The following CDH18 variants were observed in gnomAD, a reference collection of about 807,000 sequenced individuals.
The protein encoded by CDH18 is cadherin-18.
A neutral mutation model predicts 67.9 loss-of-function variants in CDH18; 31 were observed. That is an observed-to-expected ratio of 0.46 (90% CI 0.34 to 0.62). The LOEUF (loss-of-function observed/expected upper bound fraction) is 0.62, where lower values mean the gene tolerates loss of function less well. Ranked by LOEUF, CDH18 falls within the 20% of genes least tolerant of loss-of-function variation. CDH18 has a pLI of 0.01. For synonymous variants in CDH18, 362 were observed against 347.2 expected (o/e 1.04, Z -0.48); for missense variants, 890 against 975.5 (o/e 0.91, Z 1.17).
At chr5:19,917,366 G>C (rs1190951505) in intron 2 of CDH18, among the ~76,000 whole-genome samples, 1 of 137,342 alleles carries the variant, frequency 7.3e-6, no homozygotes, top group African/African-American at 3.0e-5. Flanking sequence ...TTTCTTTTCT[G>C]ATCAGTGAAG....
Position 20,357,630 on chromosome 5 carries a change from T to C in CDH18, c.-579-102125A>G, listed in dbSNP as rs144408079. Among the ~76,000 whole-genome samples the C allele has an allele frequency of 1.3e-3, 198 of 152,234 alleles. 1 individual carries two copies. The highest frequency in any genetic ancestry group is 4.5e-3 in the African/African-American group (186 of 41,542). Reference sequence around the variant, plus strand: ...AGACATCATCTCACACAAGTCAGAATGGCTTTTGATAAAAGGTGAAAAAAT... The same window carrying C: ...AGACATCATCTCACACAAGTCAGAACGGCTTTTGATAAAAGGTGAAAAAAT... On this transcript the variant is annotated intron_variant, in intron 1 of 14. Transcript: ENST00000507958.
At chr5:20,104,473 GCT>G (rs1390004831) in intron 2 of CDH18, among the ~76,000 whole-genome samples, 1 of 152,130 alleles carries the variant, frequency 6.6e-6, no homozygotes, top group Admixed American at 6.5e-5. Flanking sequence ...GTTGTTCTGT[GCT>G]CTCTTAGAAT....
intron 3 of CDH18, among the ~76,000 whole-genome samples, chr5:19,764,319 A>G (rs1561252784): frequency 6.6e-6 from 1 of 152,132 alleles, no homozygotes; most frequent in South Asian, 2.1e-4. Flanking sequence ...TATTAAAATA[A>G]TAGTATAAAT....
chr5:19,775,373 C>G (rs1774237311), intron 3 of CDH18, among the ~76,000 whole-genome samples: 1 of 151,964 alleles, frequency 6.6e-6, no homozygotes, highest in Admixed American at 6.6e-5. Context: ...CTCCTGGTTC[C>G]ACAGGCTGTA....
intron 1 of CDH18, among the ~76,000 whole-genome samples, chr5:20,527,187 TAA>T (rs1349810773): frequency 1.9e-5 from 1 of 53,460 alleles, no homozygotes; most frequent in Non-Finnish European, 5.7e-5. Flanking sequence ...CTTGCTGAAA[TAA>T]GGCAGGCAGA....
At chr5:20,424,741 T>C in intron 1 of CDH18, among the ~76,000 whole-genome samples, 2 of 73,334 alleles carry the variant, frequency 2.7e-5, no homozygotes, top group African/African-American at 4.7e-5. Context: ...AGCAAGACTC[T>C]GTCTAAAAAA....
At chr5:20,567,121 T>C (rs1201072893) in intron 1 of CDH18, among the ~76,000 whole-genome samples, 3 of 152,152 alleles carry the variant, frequency 2.0e-5, no homozygotes, top group Non-Finnish European at 4.4e-5. Context: ...CAGCAGTTAT[T>C]TCAATAGAAT....
At chr5:19,905,580 G>C (rs960161424) in intron 2 of CDH18, among the ~76,000 whole-genome samples, 5 of 151,682 alleles carry the variant, frequency 3.3e-5, no homozygotes, top group African/African-American at 1.2e-4. Flanking sequence ...TCATCAAAAA[G>C]AATTGGTCAA....
chr5:20,436,748 G>A (rs1749195101), intron 1 of CDH18, among the ~76,000 whole-genome samples: 1 of 150,506 alleles, frequency 6.6e-6, no homozygotes, highest in Admixed American at 6.6e-5. Context: ...CTTTAGGGCT[G>A]TAAAATATCA....
chr5:20,197,653 T>C (rs1739090935), intron 2 of CDH18, among the ~76,000 whole-genome samples: 1 of 152,162 alleles, frequency 6.6e-6, no homozygotes, highest in Non-Finnish European at 1.5e-5. Flanking sequence ...AGTCCTGAAA[T>C]TTTGGCATGG....
At chr5:20,497,378 T>C (rs1753974740) in intron 1 of CDH18, among the ~76,000 whole-genome samples, 1 of 152,166 alleles carries the variant, frequency 6.6e-6, no homozygotes, top group Admixed American at 6.6e-5. Flanking sequence ...TATAATACCA[T>C]ATTGTTATTG....
rs535983403 is a variant in CDH18 at position 19,997,688 on chromosome 5, T to C, written c.-517-5674A>G. On this transcript the variant is annotated intron_variant, in intron 2 of 14. Transcript: ENST00000507958. ...AGCATTTGCTTCAACTGATTGCAGG[T>C]CAACCTAAGTGCAAGGTTTATGGAC... 1.1e-4 allele frequency among the ~76,000 whole-genome samples: 17 copies of C among 152,306 alleles called. No individual in the cohort carries two copies. In the East Asian group the frequency reaches 2.9e-3, roughly 26 times the overall value.
At chr5:19,760,097 C>T (rs1772138291) in intron 3 of CDH18, among the ~76,000 whole-genome samples, 1 of 152,142 alleles carries the variant, frequency 6.6e-6, no homozygotes, top group African/African-American at 2.4e-5. Flanking sequence ...CGTCTGCTGT[C>T]CATTATGGTA....
At chr5:20,037,024 G>A (rs1011402647) in intron 2 of CDH18, among the ~76,000 whole-genome samples, 24 of 151,862 alleles carry the variant, frequency 1.6e-4, no homozygotes, top group African/African-American at 5.1e-4. Context: ...ACGTGACATG[G>A]GTCTCCTGAA....
At chr5:20,563,131 CA>C (rs932030636) in intron 1 of CDH18, among the ~76,000 whole-genome samples, 4 of 151,030 alleles carry the variant, frequency 2.6e-5, no homozygotes, top group Non-Finnish European at 4.4e-5. Context: ...AACATGACAG[CA>C]AAAAAAGCAT....
chr5:20,397,200 G>C (rs1446099104), intron 1 of CDH18, among the ~76,000 whole-genome samples: 4 of 152,048 alleles, frequency 2.6e-5, no homozygotes, highest in African/African-American at 7.2e-5. Context: ...GTACGATCTT[G>C]GCTCACGGCA....
At chr5:19,893,720 T>C (rs1789010160) in intron 2 of CDH18, among the ~76,000 whole-genome samples, 1 of 152,138 alleles carries the variant, frequency 6.6e-6, no homozygotes, top group South Asian at 2.1e-4. Flanking sequence ...TTAAGGAAGA[T>C]TTATGGAAGT....
intron 1 of CDH18, among the ~76,000 whole-genome samples, chr5:20,501,562 TATATATAA>T (rs1754293389): frequency 1.1e-4 from 2 of 18,708 alleles, no homozygotes; most frequent in East Asian, 1.4e-3. Flanking sequence ...ATATAATATA[TATATATAA>T]TATATATATA....
chr5:19,705,339 G>A (rs1763815010), intron 5 of CDH18, among the ~76,000 whole-genome samples: 2 of 152,106 alleles, frequency 1.3e-5, no homozygotes, highest in East Asian at 1.9e-4. Flanking sequence ...GTAACCATAT[G>A]TAGGGATCAA....
Sources: allele counts gnomAD v4.1 joint callset (sites outside exome capture counted in the v4.1 genomes callset), GRCh38; gene constraint gnomAD v4.1.1; transcripts MANE v1.5; gene names NCBI Gene and HGNC (gene_info 2026-07-23, HGNC 2026-07-21).